Variants in DOP1A observed in about 807,000 individuals in gnomAD.
DOP1A encodes protein DOP1A.
A neutral mutation model predicts 267.6 loss-of-function variants in DOP1A; 90 were observed. The observed-to-expected ratio is 0.34, with a 90% CI of 0.28 to 0.40. DOP1A has a LOEUF of 0.40. DOP1A is among the 10% of genes least tolerant of loss of function. The pLI is 1.00. For synonymous variants in DOP1A, 932 were observed against 999.1 expected (o/e 0.93, Z 1.27); for missense variants, 2,437 against 2,900.4 (o/e 0.84, Z 3.67).
chr6:83,146,187 A>AC (rs1208876084), intron 25 of DOP1A, among the ~76,000 whole-genome samples: 3 of 152,228 alleles, frequency 2.0e-5, no homozygotes, highest in African/African-American at 7.2e-5. Context: ...CTAGGCAAAA[A>AC]TAAAAGTCTA....
At position 83,125,146 on chromosome 6, in the gene DOP1A, T is replaced by C. The variant is rs773706388; in HGVS notation, c.1456-20T>C. Reference sequence around the variant, plus strand: ...CCCTTCTGTTTTCTCTCCTCACTTCTTTGCTTTCTCATTTTGAAGCCTACT... The same window carrying C: ...CCCTTCTGTTTTCTCTCCTCACTTCCTTGCTTTCTCATTTTGAAGCCTACT... On this transcript the variant is annotated intron_variant, in intron 13 of 38. Transcript: ENST00000349129. 3.7e-5 allele frequency: 58 copies of C among 1,578,668 alleles called. No homozygotes were observed. The East Asian group carries it at 1.2e-3, about 34-fold the overall frequency.
chr6:83,152,116 A>G (rs117372745), intron 29 of DOP1A, 89 bp downstream of exon 29: 15 of 1,455,452 alleles, frequency 1.0e-5, no homozygotes, highest in African/African-American at 8.5e-5. Flanking sequence ...AAGTACCACA[A>G]ATTTATCCCT....
intron 12 of DOP1A, among the ~76,000 whole-genome samples, chr6:83,124,203 T>A (rs1157290909): frequency 6.6e-6 from 1 of 152,078 alleles, no homozygotes; most frequent in East Asian, 1.9e-4. Context: ...TGATTTAATG[T>A]GAATGTTTGT....
chr6:83,116,776 A>G (rs922924162), intron 7 of DOP1A, among the ~76,000 whole-genome samples: 3 of 152,116 alleles, frequency 2.0e-5, no homozygotes, highest in African/African-American at 7.2e-5. Context: ...GCAACACTGC[A>G]CTCCATCCTG....
At chr6:83,147,180 G>GA in intron 25 of DOP1A, 56 bp from the exon 26 acceptor site, 1 of 926,068 alleles carries the variant, frequency 1.1e-6, no homozygotes, top group Non-Finnish European at 1.6e-6. Flanking sequence ...TTGCAACAAT[G>GA]AAAAAGCAAA....
In DOP1A at chr6:83,145,607, C is replaced by T. The variant is rs1421003623; in HGVS notation, c.5625C>T (p.Ile1875=). Residue 1875 remains isoleucine (I), a synonymous_variant, in exon 25 of 39, where the codon ATC becomes ATT. Transcript: ENST00000349129. ...SISVMRAETV[I]QTVKEVLKQP... Reference sequence around the variant, plus strand: ...GTGTCATGAGAGCAGAAACTGTTATCCAGACTGTAAAAGAAGTTTTAAAGC... The same window carrying T: ...GTGTCATGAGAGCAGAAACTGTTATTCAGACTGTAAAAGAAGTTTTAAAGC... The T allele has an allele frequency of 3.7e-6, 6 of 1,613,322 alleles. No homozygotes were observed. The highest frequency in any genetic ancestry group is 5.1e-6 in the Non-Finnish European group (6 of 1,179,700).
At chr6:83,088,655 C>T (rs917037109) in intron 1 of DOP1A, among the ~76,000 whole-genome samples, 4 of 152,000 alleles carry the variant, frequency 2.6e-5, no homozygotes, top group African/African-American at 7.2e-5. Flanking sequence ...CTCCTGACCT[C>T]GTGATCTGCC....
At chr6:83,090,788 A>G (rs1770208353) in intron 1 of DOP1A, among the ~76,000 whole-genome samples, 1 of 152,182 alleles carries the variant, frequency 6.6e-6, no homozygotes, top group Admixed American at 6.5e-5. Context: ...AAAATGACTG[A>G]GAACTGCAAT....
intron 36 of DOP1A, among the ~76,000 whole-genome samples, chr6:83,159,173 CTT>C (rs1389070951): frequency 3.3e-5 from 5 of 152,120 alleles, no homozygotes; most frequent in African/African-American, 4.8e-5. Flanking sequence ...GTACTAATAA[CTT>C]TATTATTATA....
At chr6:83,162,714 TA>T (rs914980971) in intron 37 of DOP1A, 75 bp from the exon 38 acceptor site, 7 of 1,480,814 alleles carry the variant, frequency 4.7e-6, no homozygotes, top group African/African-American at 1.4e-5. Context: ...ATGATCTTTC[TA>T]CTACATTATG....
At chr6:83,085,886 G>T (rs993985273) in intron 1 of DOP1A, among the ~76,000 whole-genome samples, 2 of 151,976 alleles carry the variant, frequency 1.3e-5, no homozygotes, top group Non-Finnish European at 2.9e-5. Flanking sequence ...TTAGGCAAAG[G>T]AATGACATAA....
At chr6:83,142,507 CA>C (rs1225701015) in intron 24 of DOP1A, among the ~76,000 whole-genome samples, 11 of 150,042 alleles carry the variant, frequency 7.3e-5, no homozygotes. Flanking sequence ...GACTCTTCCT[CA>C]AAAAATAAAT....
rs1355651749 is a variant in DOP1A, at chr6:83,145,898, G to A, written c.5676+240G>A. 2.0e-5 allele frequency among the ~76,000 whole-genome samples: 3 copies of A among 152,158 alleles called. No individual in the cohort carries two copies. In the East Asian group the frequency reaches 5.8e-4, roughly 29 times the overall value. On this transcript the variant is annotated intron_variant, in intron 25 of 38. Coordinates refer to ENST00000349129, the MANE Select transcript of DOP1A (RefSeq NM_015018.4). Reference sequence around the variant, plus strand: ...CTCATATCTTCATATGTACCTCAAAGGTAGTCAGGGACCATGTGACTAAAT... The same window carrying A: ...CTCATATCTTCATATGTACCTCAAAAGTAGTCAGGGACCATGTGACTAAAT...
At chr6:83,126,849 A>C (rs1295201451) in intron 15 of DOP1A, among the ~76,000 whole-genome samples, 1 of 151,976 alleles carries the variant, frequency 6.6e-6, no homozygotes, top group African/African-American at 2.4e-5. Context: ...TGTGTAGGAG[A>C]CTGCAGTTTT....
intron 18 of DOP1A, among the ~76,000 whole-genome samples, chr6:83,133,050 G>A (rs886197580): frequency 2.0e-5 from 3 of 152,052 alleles, no homozygotes; most frequent in Middle Eastern, 3.2e-3. Context: ...AAAAGGAATT[G>A]TGTTAAATAA....
At chr6:83,144,417 T>C (rs1780145823) in intron 24 of DOP1A, among the ~76,000 whole-genome samples, 1 of 152,162 alleles carries the variant, frequency 6.6e-6, no homozygotes, top group African/African-American at 2.4e-5. Context: ...AGTATTTGAA[T>C]ATGTAATTAG....
intron 12 of DOP1A, among the ~76,000 whole-genome samples, chr6:83,123,222 A>C (rs541890650): frequency 2.1e-4 from 31 of 149,728 alleles, no homozygotes; most frequent in African/African-American, 7.1e-4. Context: ...GTAGATTAAA[A>C]ATTTTCCGTC....
intron 14 of DOP1A, 100 bp downstream of exon 14, chr6:83,125,295 T>C: frequency 8.0e-7 from 1 of 1,251,476 alleles, no homozygotes; most frequent in Non-Finnish European, 1.1e-6. Context: ...TATTTTATAA[T>C]ATATGCTTTG....
intron 1 of DOP1A, among the ~76,000 whole-genome samples, chr6:83,074,329 AAGG>A (rs988972377): frequency 6.6e-6 from 1 of 152,094 alleles, no homozygotes. Context: ...TATGAGATGA[AAGG>A]AGGAAATACC....
Sources: allele counts gnomAD v4.1 joint callset (sites outside exome capture counted in the v4.1 genomes callset), GRCh38; gene constraint gnomAD v4.1.1; transcripts MANE v1.5; gene names NCBI Gene and HGNC (gene_info 2026-07-23, HGNC 2026-07-21).